PBX1: variants seen among roughly 807,000 people sequenced by gnomAD.
The protein encoded by PBX1 is pre-B-cell leukemia transcription factor 1.
A neutral mutation model predicts 53.4 loss-of-function variants in PBX1; 6 were observed. The ratio of observed to expected loss-of-function variants is 0.11; its 90% CI spans 0.06 to 0.22. The LOEUF (loss-of-function observed/expected upper bound fraction) is 0.22, where lower values mean the gene tolerates loss of function less well. Ranked by LOEUF, PBX1 falls within the 10% of genes least tolerant of loss-of-function variation. PBX1 has a pLI of 1.00. For synonymous variants in PBX1, 204 were observed against 212.3 expected (o/e 0.96, Z 0.34); for missense variants, 251 against 551.4 (o/e 0.46, Z 5.46).
chr1:164,702,188 G>C (rs1663161465), intron 2 of PBX1, among the ~76,000 whole-genome samples: 1 of 142,120 alleles, frequency 7.0e-6, no homozygotes, highest in South Asian at 2.6e-4. Flanking sequence ...ACCACGATGA[G>C]GTTTTTTTTT....
intron 2 of PBX1, among the ~76,000 whole-genome samples, chr1:164,703,573 C>T (rs1342180956): frequency 1.3e-5 from 2 of 152,204 alleles, no homozygotes; most frequent in Non-Finnish European, 2.9e-5. Context: ...GAACTCATTT[C>T]AGCTGAGACG....
At position 164,674,847 on chromosome 1, in the gene PBX1, GCCCCCCCCCCCC is replaced by G. The variant is rs78130048; in HGVS notation, c.265+111540_265+111551del. ...TATTTAGTTAGAGGAAGAAATCACAGCCCCCCCCCCCCCCCACCCACCACCAAGAGGATCTTT... is the reference window on the plus strand; with the variant it reads ...TATTTAGTTAGAGGAAGAAATCACAGCCCACCCACCACCAAGAGGATCTTT... On this transcript the variant is annotated intron_variant, in intron 2 of 8. Coordinates refer to ENST00000420696, the MANE Select transcript of PBX1 (RefSeq NM_002585.4). 2 of 40,616 alleles carry G rather than the reference GCCCCCCCCCCCC, an allele frequency of 4.9e-5. 1 individual carries two copies. The highest frequency in any genetic ancestry group is 1.2e-4 in the Non-Finnish European group (2 of 16,248). The allele number at this position is 40,616 out of a possible 1,614,324, so 2.5% of individuals were successfully genotyped here.
At chr1:164,779,388 C>G (rs939440886) in intron 2 of PBX1, among the ~76,000 whole-genome samples, 1 of 151,996 alleles carries the variant, frequency 6.6e-6, no homozygotes, top group Non-Finnish European at 1.5e-5. Context: ...CAACTGGGGT[C>G]CTTGTTGGAG....
chr1:164,838,777 G>C lies in PBX1; in HGVS notation c.1201-7807G>C, dbSNP rs77284381. ...GATGGACCTATAACTGTGCAGTTAT[G>C]CTGGGCACCTGCAGCCAAGCCATCC... On this transcript the variant is annotated intron_variant, in intron 8 of 8. Transcript: ENST00000420696. Among the ~76,000 whole-genome samples the C allele has an allele frequency of 5.6e-3, 848 of 152,196 alleles. 8 individuals are homozygous for C. Among genetic ancestry groups the C allele is most frequent in the African/African-American group, 0.019 (777 of 41,516 alleles).
At chr1:164,626,403 C>A (rs1658047563) in intron 2 of PBX1, among the ~76,000 whole-genome samples, 1 of 152,114 alleles carries the variant, frequency 6.6e-6, no homozygotes, top group African/African-American at 2.4e-5. Flanking sequence ...CATTTCTTTG[C>A]CCGGCCTGGT....
chr1:164,835,146 T>G (rs2102399192), intron 8 of PBX1, among the ~76,000 whole-genome samples: 1 of 152,280 alleles, frequency 6.6e-6, no homozygotes, highest in East Asian at 1.9e-4. Context: ...CAAGCATAAC[T>G]TTAAATAACT....
chr1:164,607,046 C>G (rs544201422), intron 2 of PBX1, among the ~76,000 whole-genome samples: 2 of 152,128 alleles, frequency 1.3e-5, no homozygotes, highest in South Asian at 4.1e-4. Context: ...GTGAGAGCAC[C>G]GCATGGGCAA....
rs751559967 is a variant in PBX1 at position 164,848,192 on chromosome 1, G to A, written c.*1516G>A. The A allele has an allele frequency of 9.9e-5, 104 of 1,049,614 alleles. No individual in the cohort carries two copies. The highest frequency in any genetic ancestry group is 1.2e-4 in the Non-Finnish European group (102 of 869,464). The allele number at this position is 1,049,614 out of a possible 1,614,324, so 65.0% of individuals were successfully genotyped here. ...GATTTTTATTCCCTGGGAACACAGCGTGTACTAAAAATACATGAGAAAATA... is the reference window on the plus strand; with the variant it reads ...GATTTTTATTCCCTGGGAACACAGCATGTACTAAAAATACATGAGAAAATA... On this transcript the variant is annotated 3_prime_UTR_variant, in exon 9 of 9. Transcript: ENST00000420696.
At chr1:164,591,825 G>T (rs929812044) in intron 2 of PBX1, among the ~76,000 whole-genome samples, 1 of 152,180 alleles carries the variant, frequency 6.6e-6, no homozygotes, top group Non-Finnish European at 1.5e-5. Flanking sequence ...CTTGGTGATA[G>T]TGTCTGCATT....
rs1238655562 is a variant in PBX1 at position 164,870,333 on chromosome 1, CT to C, written n.258-28852del. 4.9e-3 allele frequency among the ~76,000 whole-genome samples: 515 copies of C among 105,170 alleles called. 26 individuals are homozygous for C. The highest frequency in any genetic ancestry group is 5.9e-3 in the East Asian group (23 of 3,912). 69.0% of individuals were successfully genotyped at this position (105,170 alleles called of 152,430 possible). On this transcript the variant is annotated intron_variant and non_coding_transcript_variant, in intron 2 of 2. Coordinates refer to the PBX1 transcript ENST00000558796. Reference sequence around the variant, plus strand: ...TCTTTCTTTCTTTCTTTCTTTCTTTCTTTCTTTCTTTCTTTCTTTCTTTCTT... The same window carrying C: ...TCTTTCTTTCTTTCTTTCTTTCTTTCTTCTTTCTTTCTTTCTTTCTTTCTT...
At chr1:164,727,385 A>G (rs905790280) in intron 2 of PBX1, among the ~76,000 whole-genome samples, 2 of 152,180 alleles carry the variant, frequency 1.3e-5, no homozygotes, top group African/African-American at 4.8e-5. Context: ...GTTATAATTC[A>G]GAGGAATGTA....
chr1:164,711,610 T>C (rs2102075035), intron 2 of PBX1, among the ~76,000 whole-genome samples: 1 of 152,274 alleles, frequency 6.6e-6, no homozygotes, highest in African/African-American at 2.4e-5. Context: ...CTCACACCAG[T>C]CAGTTGGCTT....
intron 2 of PBX1, among the ~76,000 whole-genome samples, chr1:164,710,556 C>T: frequency 6.6e-6 from 1 of 152,076 alleles, no homozygotes. Flanking sequence ...GGAATACTGG[C>T]ATGCACCACC....
chr1:164,789,139 G>A (rs1558008632), intron 2 of PBX1, among the ~76,000 whole-genome samples: 1 of 152,164 alleles, frequency 6.6e-6, no homozygotes, highest in Non-Finnish European at 1.5e-5. Flanking sequence ...GCGGGTAGGG[G>A]CTTGCAGTTT....
intron 8 of PBX1, among the ~76,000 whole-genome samples, chr1:164,841,744 T>C (rs1344489075): frequency 6.6e-6 from 1 of 152,144 alleles, no homozygotes; most frequent in Non-Finnish European, 1.5e-5. Flanking sequence ...GATGTCTCCC[T>C]GATATATAGT....
chr1:164,731,770 ACT>A (rs1665000289), intron 2 of PBX1, among the ~76,000 whole-genome samples: 1 of 152,090 alleles, frequency 6.6e-6, no homozygotes, highest in South Asian at 2.1e-4. Context: ...TTTCACATAA[ACT>A]CAACGCCAGT....
At chr1:164,867,650 T>A (rs1672249316) in intron 2 of PBX1, among the ~76,000 whole-genome samples, 1 of 152,190 alleles carries the variant, frequency 6.6e-6, no homozygotes, top group Non-Finnish European at 1.5e-5. Context: ...GCAGAAAGAA[T>A]TATAAATAAA....
downstream of PBX1, among the ~76,000 whole-genome samples, chr1:164,852,232 T>G (rs940635982): frequency 2.6e-5 from 4 of 152,166 alleles, no homozygotes; most frequent in Middle Eastern, 3.2e-3. Context: ...ATAAGAAAAA[T>G]TGTGGTTCCC....
At chr1:164,648,156 C>T (rs529968764) in intron 2 of PBX1, among the ~76,000 whole-genome samples, 2 of 152,192 alleles carry the variant, frequency 1.3e-5, no homozygotes, top group Admixed American at 6.5e-5. Flanking sequence ...GTGAAATACC[C>T]GGGGACCTGG....
Sources: allele counts gnomAD v4.1 joint callset (sites outside exome capture counted in the v4.1 genomes callset), GRCh38; gene constraint gnomAD v4.1.1; transcripts MANE v1.5; gene names NCBI Gene and HGNC (gene_info 2026-07-23, HGNC 2026-07-21).